EPS15L1: variants seen among roughly 807,000 people sequenced by gnomAD.
The protein encoded by EPS15L1 is epidermal growth factor receptor substrate 15-like 1.
A neutral mutation model predicts 117.1 loss-of-function variants in EPS15L1; 43 were observed. The observed-to-expected ratio is 0.37, with a 90% CI of 0.29 to 0.47. The LOEUF (loss-of-function observed/expected upper bound fraction) is 0.47. Among genes scored for constraint, EPS15L1 ranks in the 20% least tolerant of loss-of-function variants. The pLI, the probability that EPS15L1 is intolerant of heterozygous loss-of-function variation, is 0.99. For synonymous variants in EPS15L1, 459 were observed against 470.5 expected (o/e 0.98, Z 0.32); for missense variants, 981 against 1,164.0 (o/e 0.84, Z 2.29).
chr19:16,442,373 T>C (rs2093040973), intron 1 of EPS15L1, among the ~76,000 whole-genome samples, 154 bp from the exon 2 acceptor site: 1 of 152,200 alleles, frequency 6.6e-6, no homozygotes. Context: ...CAGAATTCAG[T>C]TTATCTTCAG....
intron 4 of EPS15L1, among the ~76,000 whole-genome samples, chr19:16,439,881 C>G (rs1410672404): frequency 1.3e-5 from 2 of 151,618 alleles, no homozygotes; most frequent in Non-Finnish European, 2.9e-5. Context: ...GCTGAGTATT[C>G]CTCATCCCAA....
At chr19:16,386,349 T>A in intron 19 of EPS15L1, 118 bp from the exon 20 acceptor site, 1 of 790,398 alleles carries the variant, frequency 1.3e-6, no homozygotes, top group Non-Finnish European at 2.2e-6. Flanking sequence ...AGAGGGAAAG[T>A]GGAATGATTA....
chr19:16,431,852 C>T (rs746945528), intron 7 of EPS15L1, among the ~76,000 whole-genome samples: 5 of 152,154 alleles, frequency 3.3e-5, no homozygotes, highest in African/African-American at 9.7e-5. Context: ...AATAATGAAA[C>T]GCAAAATAAA....
At chr19:16,394,127 T>A in intron 17 of EPS15L1, 126 bp from the exon 18 acceptor site, 1 of 814,202 alleles carries the variant, frequency 1.2e-6, no homozygotes, top group Admixed American at 1.9e-5. Context: ...AGGGAGAGAA[T>A]GTTAGTTCCT....
intron 16 of EPS15L1, chr19:16,400,952 A>AT (rs1191164835): frequency 1.0e-6 from 1 of 985,322 alleles, no homozygotes; most frequent in African/African-American, 1.7e-5. Context: ...ACAAGCCAAA[A>AT]GCGGTGCCAG....
At chr19:16,384,748 C>T (rs931571778) in intron 21 of EPS15L1, among the ~76,000 whole-genome samples, 8 of 152,228 alleles carry the variant, frequency 5.3e-5, no homozygotes, top group African/African-American at 1.4e-4. Context: ...TCTGAACACT[C>T]GCTGGCCCAC....
chr19:16,377,724 G>A (rs2092313676), intron 21 of EPS15L1, among the ~76,000 whole-genome samples: 1 of 152,246 alleles, frequency 6.6e-6, no homozygotes, highest in Admixed American at 6.5e-5. Flanking sequence ...TTCAGTTAGT[G>A]ATGGACAGCT....
intron 17 of EPS15L1, 99 bp downstream of exon 17, chr19:16,395,245 G>A (rs1369030749): frequency 1.6e-5 from 17 of 1,062,570 alleles, no homozygotes; most frequent in South Asian, 7.5e-5. Context: ...CTCCATTTCA[G>A]ATTGTGGCAT....
intron 12 of EPS15L1, among the ~76,000 whole-genome samples, chr19:16,414,182 G>GA (rs1568430698): frequency 1.3e-5 from 2 of 152,164 alleles, no homozygotes; most frequent in East Asian, 3.9e-4. Flanking sequence ...ACGTGAGGGG[G>GA]AACAGGGGCA....
rs775437939 is a variant in EPS15L1, at chr19:16,404,673, C to T, written c.1343G>A (p.Arg448His). 3.0e-5 allele frequency: 48 copies of T among 1,614,064 alleles called. No homozygotes were observed. Among genetic ancestry groups the T allele is most frequent in the South Asian group, 9.9e-5 (9 of 91,082 alleles). The part of the protein sequence containing the change: ...LEAQKQDAQD[R>H]LDEMDQQKAK... ...CTTCTGCTGGTCCATCTCGTCCAGGCGGTCTTGAGCATCCTGTTTCTGAGC... is the reference window on the plus strand; with the variant it reads ...CTTCTGCTGGTCCATCTCGTCCAGGTGGTCTTGAGCATCCTGTTTCTGAGC... Residue 448 changes from arginine to histidine, a missense_variant, in exon 14 of 24, where the codon CGC becomes CAC. Physicochemically the swap from Arg to His is conservative, Grantham distance 29. Transcript: ENST00000455140. This position sits in a 1 kb window ranked among gnomAD's most constrained non-coding sequence, Gnocchi z 4.2.
intron 7 of EPS15L1, among the ~76,000 whole-genome samples, chr19:16,431,584 G>A (rs2092928103): frequency 6.6e-6 from 1 of 152,114 alleles, no homozygotes. Context: ...TTACATGCGT[G>A]AGCCACCGTA....
At position 16,370,765 on chromosome 19, in the gene EPS15L1, C is replaced by T. The variant is rs1010081636; in HGVS notation, c.2380+6357G>A. On this transcript the variant is annotated intron_variant, in intron 22 of 23. Transcript: ENST00000455140. This position sits in a 1 kb window ranked among gnomAD's most constrained non-coding sequence, Gnocchi z 5.2. ...CTCTCAGAGTGGGACCGTTCCTTGG[C>T]ACCGTCAGCAGGTCCCACCCAGCCC... is the stretch of plus-strand genomic sequence containing the variant. 3.3e-5 allele frequency among the ~76,000 whole-genome samples: 5 copies of T among 152,200 alleles called. No homozygotes were observed. Among genetic ancestry groups the T allele is most frequent in the Non-Finnish European group, 5.9e-5 (4 of 68,026 alleles).
At chr19:16,360,894 T>A (rs1436747277) in intron 23 of EPS15L1, among the ~76,000 whole-genome samples, 1 of 152,166 alleles carries the variant, frequency 6.6e-6, no homozygotes, top group Non-Finnish European at 1.5e-5. Flanking sequence ...GAAGCATCTA[T>A]AAATAACACA....
At chr19:16,402,007 T>G in intron 16 of EPS15L1, 1 of 1,112,784 alleles carries the variant, frequency 9.0e-7, no homozygotes, top group Non-Finnish European at 1.1e-6. Flanking sequence ...TTGGTTAAGT[T>G]TGAGAAGCCC....
At chr19:16,382,651 T>C (rs1027254538) in intron 21 of EPS15L1, among the ~76,000 whole-genome samples, 3 of 141,278 alleles carry the variant, frequency 2.1e-5, no homozygotes, top group African/African-American at 8.0e-5. Flanking sequence ...CAGAAGAGGG[T>C]GAAATAAGTT....
Position 16,433,689 on chromosome 19 carries a change from G to A in EPS15L1, c.498+676C>T, listed in dbSNP as rs577269419. On this transcript the variant is annotated intron_variant, in intron 7 of 23. Transcript: ENST00000455140. ...CTCAAAAAAAGAAATAAAAAAGCCC[G>A]GGTGTGGTGGCTCACGCCTGTAATC... Among the ~76,000 whole-genome samples, 159 of 151,842 alleles carry A rather than the reference G, an allele frequency of 1.0e-3. 2 individuals are homozygous for A. Among genetic ancestry groups the A allele is most frequent in the South Asian group, 7.1e-3 (34 of 4,800 alleles).
chr19:16,355,620 G>C lies in EPS15L1; in HGVS notation c.*85C>G. ...CCGGTCCTTGGAGTACGGTGGCGAC[G>C]GTGTGTGTGTGTATATATAGACATC... On this transcript the variant is annotated 3_prime_UTR_variant, in exon 24 of 24. Coordinates refer to ENST00000455140, the MANE Select transcript of EPS15L1 (RefSeq NM_001258374.3). The C allele has an allele frequency of 7.1e-7, 1 of 1,404,196 alleles. No homozygotes were observed. The highest frequency in any genetic ancestry group is 2.2e-5 in the Admixed American group (1 of 44,606). The allele number at this position is 1,404,196 out of a possible 1,614,324, so 87.0% of individuals were successfully genotyped here.
intron 22 of EPS15L1, among the ~76,000 whole-genome samples, chr19:16,373,598 C>G (rs969041403): frequency 2.6e-5 from 4 of 152,134 alleles, no homozygotes. Context: ...CGACTTCACC[C>G]GACACTCATC....
intron 12 of EPS15L1, among the ~76,000 whole-genome samples, chr19:16,416,100 A>G (rs1447005198): frequency 3.3e-5 from 5 of 152,234 alleles, no homozygotes. Flanking sequence ...GCCTTTGCTC[A>G]TCAGGGCTCT....
Sources: allele counts gnomAD v4.1 joint callset (sites outside exome capture counted in the v4.1 genomes callset), GRCh38; gene constraint gnomAD v4.1.1; non-coding constraint Gnocchi (gnomAD v3.1); transcripts MANE v1.5; gene names NCBI Gene and HGNC (gene_info 2026-07-23, HGNC 2026-07-21).